SIK2: variants seen among roughly 807,000 people sequenced by gnomAD.
SIK2 encodes the protein serine/threonine-protein kinase SIK2.
Under a neutral mutation model 103.2 loss-of-function variants are expected in SIK2, and 29 were observed. The observed-to-expected ratio is 0.28, with a 90% confidence interval of 0.21 to 0.38. The LOEUF is 0.38. Ranked by LOEUF, SIK2 falls within the 10% of genes least tolerant of loss-of-function variation. The pLI is 1.00. For missense variants in SIK2, 879 were observed against 1,171.0 expected (o/e 0.75, Z 3.64); for synonymous variants, 412 against 446.1 (o/e 0.92, Z 0.96).
rs1405621711 is a variant in SIK2, at chr11:111,610,585, TTC to T, written c.136-5656_136-5655del. Reference sequence around the variant, plus strand: ...TTTACATTTCTGCTCTTACATTTAATTCTTTGTCCTCCTGTATAAAATTTGTA... The same window carrying T: ...TTTACATTTCTGCTCTTACATTTAATTTTGTCCTCCTGTATAAAATTTGTA... On this transcript the variant is annotated intron_variant, in intron 1 of 14. Coordinates refer to ENST00000304987, the MANE Select transcript of SIK2 (RefSeq NM_015191.3). Among the ~76,000 whole-genome samples the T allele has an allele frequency of 5.5e-5, 5 of 90,716 alleles. No homozygotes were observed. The East Asian group carries it at 0.013, about 229-fold the overall frequency. 59.5% of individuals were successfully genotyped at this position (90,716 alleles called of 152,430 possible). A position where few individuals can be genotyped will look rare whatever the true frequency, so the allele number is the denominator to read the frequency against.
intron 9 of SIK2, among the ~76,000 whole-genome samples, chr11:111,716,299 C>G (rs1456939847): frequency 6.6e-6 from 1 of 152,094 alleles, no homozygotes; most frequent in Admixed American, 6.6e-5. Flanking sequence ...GGATATACAT[C>G]TGGCCAGGTG....
chr11:111,705,095 C>T lies in SIK2; in HGVS notation c.1057C>T (p.Arg353Cys), dbSNP rs759085355. Residue 353 changes from arginine (R) to cysteine (C), a missense_variant, in exon 8 of 15, where the codon CGC (arginine) becomes TGC (cysteine). Coordinates refer to ENST00000304987, the MANE Select transcript of SIK2 (RefSeq NM_015191.3). The surrounding 1 kb of genome is among the most constrained non-coding windows in gnomAD (Gnocchi z 4.3). ...CCCAGTGGAGCAGAGACTTGATGGC[C>T]GCCAGCGTCGGCCTAGCACCATTGC... ...SFPVEQRLDG[R>C]QRRPSTIAEQ... 2.5e-6 allele frequency: 4 copies of T among 1,605,074 alleles called. No individual in the cohort carries two copies. The highest frequency in any genetic ancestry group is 2.2e-5 in the East Asian group (1 of 44,556).
At chr11:111,675,334 C>G (rs1942688544) in intron 3 of SIK2, among the ~76,000 whole-genome samples, 1 of 152,140 alleles carries the variant, frequency 6.6e-6, no homozygotes, top group Admixed American at 6.5e-5. Context: ...AGTCACGTGA[C>G]AAAGGGTATG....
intron 1 of SIK2, among the ~76,000 whole-genome samples, chr11:111,607,996 A>T (rs12362685): frequency 0.32 from 48,898 of 152,054 alleles, 9,309 homozygotes; most frequent in East Asian, 0.61. Flanking sequence ...TTGATTTATG[A>T]CCCACTGCTG....
chr11:111,649,457 A>T (rs1942300582), intron 3 of SIK2, among the ~76,000 whole-genome samples: 1 of 152,138 alleles, frequency 6.6e-6, no homozygotes, highest in South Asian at 2.1e-4. Flanking sequence ...TTATACTATA[A>T]AGTATAAAAG....
intron 6 of SIK2, among the ~76,000 whole-genome samples, chr11:111,702,938 T>C (rs911822118): frequency 5.3e-5 from 8 of 149,998 alleles, no homozygotes; most frequent in African/African-American, 2.0e-4. Context: ...TTTCTAGATA[T>C]TTTCAGTTGT....
At chr11:111,656,512 A>T (rs1391466543) in intron 3 of SIK2, among the ~76,000 whole-genome samples, 2 of 152,200 alleles carry the variant, frequency 1.3e-5, no homozygotes, top group Non-Finnish European at 2.9e-5. Context: ...TTAACATTCC[A>T]TGAGGATAAC....
chr11:111,674,546 A>G (rs575083054), intron 3 of SIK2, among the ~76,000 whole-genome samples: 1 of 152,380 alleles, frequency 6.6e-6, no homozygotes, highest in African/African-American at 2.4e-5. Context: ...AAAGCCAATC[A>G]GGTTGGTCTT....
intron 1 of SIK2, among the ~76,000 whole-genome samples, chr11:111,612,731 C>T (rs1482753522): frequency 6.6e-6 from 1 of 152,094 alleles, no homozygotes; most frequent in Non-Finnish European, 1.5e-5. Context: ...CTGCATTCAT[C>T]TAGTTCTGCT....
In SIK2 at chr11:111,687,025, A is replaced by G. The variant is rs188921658; in HGVS notation, c.317-976A>G. On this transcript the variant is annotated intron_variant, in intron 3 of 14. Transcript: ENST00000304987. ...ATGTCTTTCTGTGTGACAAGATGTC[A>G]GAGAATTCATTTATTTCCTCTGTTT... Among the ~76,000 whole-genome samples, 293 of 152,346 alleles carry G rather than the reference A, an allele frequency of 1.9e-3. 3 individuals carry two copies. Among genetic ancestry groups the G allele is most frequent in the African/African-American group, 6.4e-3 (265 of 41,582 alleles).
At chr11:111,607,529 T>C (rs1941663768) in intron 1 of SIK2, among the ~76,000 whole-genome samples, 1 of 152,216 alleles carries the variant, frequency 6.6e-6, no homozygotes, top group South Asian at 2.1e-4. Context: ...GTCTTGGTAT[T>C]AATCTTGTAC....
intron 1 of SIK2, among the ~76,000 whole-genome samples, chr11:111,612,914 G>GTATATATATATATA (rs1941745340): frequency 5.6e-5 from 2 of 36,036 alleles, no homozygotes; most frequent in South Asian, 1.1e-3. Context: ...GATAGCAATG[G>GTATATATATATATA]GATATATATA....
chr11:111,691,380 A>G (rs1256818950), intron 4 of SIK2, among the ~76,000 whole-genome samples: 2 of 152,208 alleles, frequency 1.3e-5, no homozygotes, highest in African/African-American at 4.8e-5. Context: ...TCATCTTCAC[A>G]GCAATCTTGG....
At chr11:111,697,757 G>A (rs1182532455) in intron 4 of SIK2, among the ~76,000 whole-genome samples, 1 of 151,938 alleles carries the variant, frequency 6.6e-6, no homozygotes, top group Non-Finnish European at 1.5e-5. Flanking sequence ...TTTGGGTGCT[G>A]AGGCAGGAGG....
In SIK2 at chr11:111,705,711, T is replaced by C. The variant is rs776807486; in HGVS notation, c.1101+572T>C. Reference sequence around the variant, plus strand: ...TTGTGAAGAGTTTTGAATGCCAAGGTAAAGAGTTTACTTACAATTCAAGAA... The same window carrying C: ...TTGTGAAGAGTTTTGAATGCCAAGGCAAAGAGTTTACTTACAATTCAAGAA... On this transcript the variant is annotated intron_variant, in intron 8 of 14. Coordinates refer to ENST00000304987, the MANE Select transcript of SIK2 (RefSeq NM_015191.3). The surrounding 1 kb of genome is among the most constrained non-coding windows in gnomAD (Gnocchi z 4.3). Among the ~76,000 whole-genome samples the C allele has an allele frequency of 2.6e-5, 4 of 152,170 alleles. No homozygotes were observed. The highest frequency in any genetic ancestry group is 5.9e-5 in the Non-Finnish European group (4 of 68,032).
chr11:111,618,392 T>C (rs1224891550), intron 2 of SIK2, among the ~76,000 whole-genome samples: 2 of 152,166 alleles, frequency 1.3e-5, no homozygotes, highest in African/African-American at 2.4e-5. Context: ...AGATTTTCAA[T>C]GTAAAAAATG....
At chr11:111,672,464 C>G (rs767904447) in intron 3 of SIK2, 1 of 254,732 alleles carries the variant, frequency 3.9e-6, no homozygotes, top group Non-Finnish European at 7.5e-6. Context: ...GAAGCTACTT[C>G]TAGATTATAA....
At chr11:111,648,978 T>C (rs1942294031) in intron 3 of SIK2, among the ~76,000 whole-genome samples, 1 of 152,136 alleles carries the variant, frequency 6.6e-6, no homozygotes, top group African/African-American at 2.4e-5. Context: ...TCCCTACCAA[T>C]TATGGTCTCC....
intron 3 of SIK2, among the ~76,000 whole-genome samples, chr11:111,650,302 A>G (rs370603007): frequency 3.7e-4 from 56 of 152,004 alleles, no homozygotes; most frequent in African/African-American, 1.3e-3. Flanking sequence ...CTGATTTTTC[A>G]TAGTAAAACA....
Sources: gnomAD v4.1 joint callset for allele counts (sites outside exome capture counted in the v4.1 genomes callset) on GRCh38, gnomAD v4.1.1 for gene constraint, Gnocchi (gnomAD v3.1) non-coding constraint, MANE v1.5 for transcripts, NCBI Gene and HGNC (gene_info 2026-07-23, HGNC 2026-07-21) for gene names.